Variants in CNTN5 observed in about 807,000 individuals in gnomAD.
CNTN5 encodes contactin 5, also known as contactin-5.
In CNTN5, 77 loss-of-function variants were observed where a neutral mutation model predicts 129.1. The observed-to-expected ratio is 0.60, with a 90% CI of 0.50 to 0.72. CNTN5 has a LOEUF of 0.72. Ranked by LOEUF, CNTN5 falls within the 30% of genes least tolerant of loss-of-function variation. The pLI is 0.00. For synonymous variants in CNTN5, 509 were observed against 465.6 expected (o/e 1.09, Z -1.20); for missense variants, 1,478 against 1,328.8 (o/e 1.11, Z -1.75).
intron 1 of CNTN5, among the ~76,000 whole-genome samples, chr11:99,298,452 AC>A (rs1864483167): frequency 6.6e-6 from 1 of 152,150 alleles, no homozygotes; most frequent in Admixed American, 6.5e-5. Context: ...GGATTGGTCG[AC>A]ACTCAGCCAC....
At chr11:100,150,640 A>G (rs151320322) in intron 13 of CNTN5, among the ~76,000 whole-genome samples, 1 of 151,922 alleles carries the variant, frequency 6.6e-6, no homozygotes, top group Non-Finnish European at 1.5e-5. Context: ...CCTCATACAC[A>G]TGGAATACTC....
intron 2 of CNTN5, among the ~76,000 whole-genome samples, chr11:99,510,046 A>G (rs1946776723): frequency 6.6e-6 from 1 of 151,662 alleles, no homozygotes; most frequent in Admixed American, 6.6e-5. Flanking sequence ...TGTTTCTATT[A>G]TGGGGCTTAA....
intron 1 of CNTN5, among the ~76,000 whole-genome samples, chr11:99,024,894 A>G (rs1398117807): frequency 6.6e-6 from 1 of 151,944 alleles, no homozygotes; most frequent in Non-Finnish European, 1.5e-5. Flanking sequence ...TTTCCTGTGT[A>G]TTTCTTAAGC....
intron 6 of CNTN5, among the ~76,000 whole-genome samples, chr11:99,859,563 C>T (rs1196841673): frequency 1.3e-5 from 2 of 152,026 alleles, no homozygotes; most frequent in Non-Finnish European, 2.9e-5. Flanking sequence ...CCACATGTAC[C>T]CATTATTTAT....
At chr11:99,304,644 G>A (rs1864789640) in intron 1 of CNTN5, among the ~76,000 whole-genome samples, 1 of 152,140 alleles carries the variant, frequency 6.6e-6, no homozygotes, top group Admixed American at 6.6e-5. Flanking sequence ...TTTGAAAATG[G>A]CTTAACCACC....
At chr11:99,500,284 A>T (rs954169255) in intron 2 of CNTN5, among the ~76,000 whole-genome samples, 8 of 152,198 alleles carry the variant, frequency 5.3e-5, no homozygotes, top group African/African-American at 1.9e-4. Context: ...AAAGCATTTG[A>T]ACAAATGGAT....
rs1320098935 is a variant in CNTN5, at chr11:99,232,861, C to T, written c.-209-92485C>T. Among the ~76,000 whole-genome samples the T allele has an allele frequency of 2.0e-5, 3 of 152,120 alleles. No individual in the cohort carries two copies. The East Asian group carries it at 5.8e-4, about 29-fold the overall frequency. On this transcript the variant is annotated intron_variant, in intron 1 of 24. Transcript: ENST00000524871. ...CCCTACATGATTTCCCAATTGAATT[C>T]ATCAAAAACCGAGCTTCTACTTTGT... is the stretch of plus-strand genomic sequence containing the variant.
At chr11:99,750,885 T>G (rs562891352) in intron 3 of CNTN5, among the ~76,000 whole-genome samples, 1 of 152,220 alleles carries the variant, frequency 6.6e-6, no homozygotes, top group Non-Finnish European at 1.5e-5. Context: ...CTGTTTCTGC[T>G]TCTAGTGGTG....
At chr11:100,012,832 A>G (rs1940607633) in intron 9 of CNTN5, among the ~76,000 whole-genome samples, 1 of 152,192 alleles carries the variant, frequency 6.6e-6, no homozygotes, top group African/African-American at 2.4e-5. Context: ...ATGAAGCAAA[A>G]GATAATCCCC....
chr11:100,145,616 A>G (rs1946826093), intron 13 of CNTN5, among the ~76,000 whole-genome samples: 1 of 152,100 alleles, frequency 6.6e-6, no homozygotes, highest in East Asian at 1.9e-4. Flanking sequence ...CTTTGCCATC[A>G]TTGTTTTTCT....
chr11:100,309,416 TA>T (rs1013326303), intron 21 of CNTN5: 4 of 968,112 alleles, frequency 4.1e-6, no homozygotes, highest in Non-Finnish European at 2.5e-6. Context: ...ATTTCTATGA[TA>T]AAAAAATTTA....
intron 13 of CNTN5, among the ~76,000 whole-genome samples, chr11:100,160,859 T>G (rs559952927): frequency 1.4e-4 from 21 of 151,998 alleles, no homozygotes; most frequent in African/African-American, 5.1e-4. Context: ...CAACGTTTGA[T>G]CTCCCTAATA....
Position 99,627,288 on chromosome 11 carries a change from A to T in CNTN5, c.55+71019A>T, listed in dbSNP as rs1951166875. On this transcript the variant is annotated intron_variant, in intron 3 of 24. Coordinates refer to ENST00000524871, the MANE Select transcript of CNTN5 (RefSeq NM_014361.4). ...AAGCCTCTGTTTCTCCATATTGAAC[A>T]TTTCCAAACTGAACTACCTAAAGTG... Among the ~76,000 whole-genome samples the T allele has an allele frequency of 2.6e-5, 4 of 152,110 alleles. 1 individual carries two copies. In the South Asian group the frequency reaches 8.3e-4, roughly 31 times the overall value.
chr11:99,976,122 A>G (rs551816587), intron 8 of CNTN5, among the ~76,000 whole-genome samples: 2 of 152,206 alleles, frequency 1.3e-5, no homozygotes, highest in South Asian at 4.1e-4. Context: ...GAGTCATTAA[A>G]TCTTAAAGCT....
intron 3 of CNTN5, among the ~76,000 whole-genome samples, chr11:99,633,093 C>T (rs1364005394): frequency 1.3e-5 from 2 of 152,034 alleles, no homozygotes; most frequent in Admixed American, 6.6e-5. Flanking sequence ...AATCAGCTCC[C>T]ATTTGAAACC....
Position 99,927,936 on chromosome 11 carries a change from T to C in CNTN5, c.673+11787T>C, listed in dbSNP as rs145653521. On this transcript the variant is annotated intron_variant, in intron 7 of 24. Coordinates refer to ENST00000524871, the MANE Select transcript of CNTN5 (RefSeq NM_014361.4). ...GGCAAGTTCCATCCTGGTATGAGCC[T>C]CTAACATCAAAAGCAAGTTAGTTAC... Among the ~76,000 whole-genome samples the C allele has an allele frequency of 4.3e-3, 662 of 152,270 alleles. 7 individuals are homozygous for C. The highest frequency in any genetic ancestry group is 0.015 in the African/African-American group (634 of 41,552).
intron 3 of CNTN5, among the ~76,000 whole-genome samples, chr11:99,579,051 C>T (rs1161396664): frequency 1.3e-5 from 2 of 152,074 alleles, no homozygotes; most frequent in Non-Finnish European, 2.9e-5. Context: ...CTACATATGG[C>T]TAGCCAGTTT....
chr11:99,752,291 C>G (rs968785854), intron 3 of CNTN5, among the ~76,000 whole-genome samples: 1 of 152,218 alleles, frequency 6.6e-6, no homozygotes, highest in African/African-American at 2.4e-5. Context: ...ACCCATTTCT[C>G]TATGATGTAC....
intron 16 of CNTN5, among the ~76,000 whole-genome samples, chr11:100,241,960 C>G (rs1423217132): frequency 1.3e-5 from 2 of 152,186 alleles, no homozygotes; most frequent in African/African-American, 4.8e-5. Context: ...AGTCCTACAG[C>G]CTTTGAGAGC....
Sources: gnomAD v4.1 joint callset for allele counts (sites outside exome capture counted in the v4.1 genomes callset) on GRCh38, gnomAD v4.1.1 for gene constraint, MANE v1.5 for transcripts, NCBI Gene and HGNC (gene_info 2026-07-23, HGNC 2026-07-21) for gene names.